Variants in CYP46A1 observed in about 807,000 individuals in gnomAD.
CYP46A1 encodes cytochrome P450 family 46 subfamily A member 1.
CYP46A1 carries 20 observed loss-of-function variants against 63.3 expected under a neutral mutation model. The ratio of observed to expected loss-of-function variants is 0.32; its 90% confidence interval spans 0.22 to 0.46. The LOEUF (loss-of-function observed/expected upper bound fraction) is 0.46. Among genes scored for constraint, CYP46A1 ranks in the 20% least tolerant of loss-of-function variants. The pLI, the probability that CYP46A1 is intolerant of heterozygous loss-of-function variation, is 1.00. For synonymous variants in CYP46A1, 268 were observed against 273.6 expected, an observed-to-expected ratio of 0.98 and a Z score of 0.20; for missense variants, 445 against 670.8, an observed-to-expected ratio of 0.66 and a Z score of 3.72.
chr14:99,726,613 G>T lies in CYP46A1; in HGVS notation c.1389G>T (p.Val463=). ...KLLQRLEFRL[V]PGQRFGLQEQ... is the part of the protein sequence containing the mutation. ...TGCAGAGGCTGGAGTTCCGGCTGGT[G>T]CCCGGGCAGCGCTTCGGGCTGCAGG... The change falls in exon 15 of 15, where the codon GTG becomes GTT. Residue 463 remains valine, a synonymous_variant. Coordinates refer to ENST00000261835, the MANE Select transcript of CYP46A1 (RefSeq NM_006668.2). The T allele has an allele frequency of 1.9e-6, 3 of 1,577,836 alleles. No homozygotes were observed. The highest frequency in any genetic ancestry group is 2.6e-6 in the Non-Finnish European group (3 of 1,164,172).
At position 99,699,028 on chromosome 14, in the gene CYP46A1, G is replaced by A. The variant is rs183745447; in HGVS notation, c.283-438G>A. Among the ~76,000 whole-genome samples, 95 of 152,110 alleles carry A rather than the reference G, an allele frequency of 6.2e-4. 1 individual carries two copies. The highest frequency in any genetic ancestry group is 8.8e-5 in the Non-Finnish European group (6 of 67,978). ...TGCCTTCACACTTCCTTGACTGCCC[G>A]GCTTGAGTGCATGCTAGCAATATTA... On this transcript the variant is annotated intron_variant, in intron 3 of 14. Coordinates refer to ENST00000261835, the MANE Select transcript of CYP46A1 (RefSeq NM_006668.2).
In CYP46A1 at chr14:99,725,398, C is replaced by T. The variant is rs2056886527; in HGVS notation, c.1184C>T (p.Thr395Ile). Residue 395 changes from threonine (T) to isoleucine (I), a missense_variant, in exon 13 of 15, where the codon ACC becomes ATC. Physicochemically the swap from Thr to Ile is moderately conservative, Grantham distance 89. Around this residue, in one of 4 missense-constraint regions of CYP46A1, gnomAD observed 95 missense variants for 156.9 expected, o/e 0.61. Transcript: ENST00000261835. The surrounding 1 kb of genome is among the most constrained non-coding windows in gnomAD (Gnocchi z 4.2). ...VPGNTPLLFS[T>I]YVMGRMDTYF... Reference sequence around the variant, plus strand: ...CGGACCCTTTGCCCGCAGTTCAGCACCTATGTCATGGGGCGGATGGACACA... The same window carrying T: ...CGGACCCTTTGCCCGCAGTTCAGCATCTATGTCATGGGGCGGATGGACACA... The T allele has an allele frequency of 6.2e-7, 1 of 1,614,120 alleles. No homozygotes were observed. The highest frequency in any genetic ancestry group is 8.5e-7 in the Non-Finnish European group (1 of 1,179,972).
chr14:99,712,512 G>A (rs1048034102), intron 7 of CYP46A1: 1 of 151,786 alleles, frequency 6.6e-6, no homozygotes, highest in Admixed American at 6.6e-5. Context: ...ATGAACTCAT[G>A]GAAGAAGAAA....
Position 99,727,033 on chromosome 14 carries a change from GC to G in CYP46A1, c.*309del, listed in dbSNP as rs1468753418. On this transcript the variant is annotated 3_prime_UTR_variant, in exon 15 of 15. Transcript: ENST00000261835. ...CCCTAACTCTTGCTCACTCCCTAAA[GC>G]CCTCTTCAGGGGTCACCTCCTCCAA... 3 of 345,222 alleles carry G rather than the reference GC, an allele frequency of 8.7e-6. No individual in the cohort carries two copies. The highest frequency in any genetic ancestry group is 1.6e-5 in the Non-Finnish European group (3 of 191,080). The allele number at this position is 345,222 out of a possible 1,614,324, so 21.4% of individuals were successfully genotyped here. A position where few individuals can be genotyped will look rare whatever the true frequency, so the allele number is the denominator to read the frequency against.
chr14:99,726,485 T>G, intron 14 of CYP46A1, 72 bp from the exon 15 acceptor site: 2 of 1,308,988 alleles, frequency 1.5e-6, no homozygotes, highest in Non-Finnish European at 2.1e-6. Flanking sequence ...GGCTGTGACA[T>G]TTGCTGCTCA....
chr14:99,714,491 C>T (rs180690976), intron 7 of CYP46A1, among the ~76,000 whole-genome samples: 2 of 152,078 alleles, frequency 1.3e-5, no homozygotes, highest in Admixed American at 6.5e-5. Context: ...CTGGGTGTGG[C>T]GGTTCATGCC....
chr14:99,713,634 T>G (rs2056756225), intron 7 of CYP46A1, among the ~76,000 whole-genome samples: 1 of 151,432 alleles, frequency 6.6e-6, no homozygotes, highest in Non-Finnish European at 1.5e-5. Context: ...ATCCCAGCAC[T>G]TTGGGAGGCC....
At chr14:99,721,464 A>C in intron 11 of CYP46A1, 141 bp downstream of exon 11, 1 of 662,944 alleles carries the variant, frequency 1.5e-6, no homozygotes, top group South Asian at 1.8e-5. Flanking sequence ...AAGTATCCTG[A>C]GGCCCAGGCT....
intron 10 of CYP46A1, among the ~76,000 whole-genome samples, chr14:99,719,878 C>T (rs537815820): frequency 2.6e-5 from 4 of 151,586 alleles, no homozygotes; most frequent in Admixed American, 1.3e-4. Flanking sequence ...TCTTCTGCCT[C>T]AGCCTCCCAA....
intron 10 of CYP46A1, among the ~76,000 whole-genome samples, chr14:99,720,379 T>C (rs1411126524): frequency 1.3e-5 from 2 of 152,216 alleles, no homozygotes; most frequent in Non-Finnish European, 2.9e-5. Flanking sequence ...TCTTTCTGAT[T>C]TGTCCACATC....
At chr14:99,723,290 AT>A (rs1313298996) in intron 12 of CYP46A1, among the ~76,000 whole-genome samples, 2 of 151,904 alleles carry the variant, frequency 1.3e-5, no homozygotes, top group Non-Finnish European at 2.9e-5. Context: ...TTTTTACGGC[AT>A]ACATTTATTT....
intron 1 of CYP46A1, among the ~76,000 whole-genome samples, chr14:99,689,833 C>G (rs1389307210): frequency 6.6e-6 from 1 of 152,190 alleles, no homozygotes; most frequent in African/African-American, 2.4e-5. Context: ...ACTCTCTGCA[C>G]TGCTGCAAAA....
At chr14:99,704,277 A>G (rs556402283) in intron 5 of CYP46A1, among the ~76,000 whole-genome samples, 9 of 152,340 alleles carry the variant, frequency 5.9e-5, no homozygotes, top group Admixed American at 5.9e-4. Context: ...TCTCACAATA[A>G]GATGTTGTCT....
chr14:99,721,934 T>C (rs1242310340), intron 11 of CYP46A1, 22 bp from the exon 12 acceptor site: 36 of 1,593,088 alleles, frequency 2.3e-5, no homozygotes, highest in Non-Finnish European at 3.1e-5. Flanking sequence ...CTCCTTGTTA[T>C]CTCCCCTTGT....
chr14:99,694,033 G>A (rs28787321), intron 3 of CYP46A1, among the ~76,000 whole-genome samples: 65,701 of 151,818 alleles, frequency 0.43, 14,650 homozygotes, highest in Admixed American at 0.5. Context: ...TTCTGTCTCC[G>A]TGAATTGGAC....
Position 99,725,420 on chromosome 14 carries a change from C to T in CYP46A1, c.1206C>T (p.Asp402=), listed in dbSNP as rs1566837998. ...LFSTYVMGRM[D]TYFEDPLTFN... The stretch of plus-strand genomic sequence containing the variant: ...GCACCTATGTCATGGGGCGGATGGA[C>T]ACATACTTTGAGGACCCGCTGACTT... Residue 402 remains aspartate (D), a synonymous_variant, in exon 13 of 15, where the codon GAC becomes GAT. Transcript: ENST00000261835. The surrounding 1 kb of genome is among the most constrained non-coding windows in gnomAD (Gnocchi z 4.2). 1.2e-6 allele frequency: 2 copies of T among 1,614,180 alleles called. No individual in the cohort carries two copies. Among genetic ancestry groups the T allele is most frequent in the South Asian group, 1.1e-5 (1 of 91,084 alleles).
intron 5 of CYP46A1, among the ~76,000 whole-genome samples, chr14:99,703,152 A>T (rs1247329321): frequency 3.9e-5 from 6 of 152,180 alleles, no homozygotes; most frequent in Admixed American, 3.9e-4. Context: ...TCTGTGGGGC[A>T]TTGTATCAGG....
intron 12 of CYP46A1, among the ~76,000 whole-genome samples, chr14:99,723,371 C>T (rs2140142517): frequency 6.6e-6 from 1 of 152,278 alleles, no homozygotes; most frequent in South Asian, 2.1e-4. Context: ...TGCAGTGGCG[C>T]CATCTCGGCT....
At chr14:99,690,746 C>T (rs527849929) in intron 1 of CYP46A1, among the ~76,000 whole-genome samples, 1 of 152,106 alleles carries the variant, frequency 6.6e-6, no homozygotes, top group Non-Finnish European at 1.5e-5. Context: ...TGAAGCCTAG[C>T]GTGGTGGTGC....
Sources: gnomAD v4.1 joint callset for allele counts (sites outside exome capture counted in the v4.1 genomes callset) on GRCh38, gnomAD v4.1.1 for gene constraint, gnomAD v4.1.1 regional missense constraint, Gnocchi (gnomAD v3.1) non-coding constraint, MANE v1.5 for transcripts, NCBI Gene and HGNC (gene_info 2026-07-23, HGNC 2026-07-21) for gene names.